The following LPGAT1 variants were observed in gnomAD, a reference collection of about 807,000 sequenced individuals.
LPGAT1 encodes lysophosphatidylglycerol acyltransferase 1.
In LPGAT1, 11 loss-of-function variants were observed where a neutral mutation model predicts 47.5. The ratio of observed to expected loss-of-function variants is 0.23; its 90% confidence interval spans 0.15 to 0.38. The LOEUF (loss-of-function observed/expected upper bound fraction) is 0.38, where lower values mean the gene tolerates loss of function less well. Among genes scored for constraint, LPGAT1 ranks in the 10% least tolerant of loss-of-function variants. The pLI is 1.00. For missense variants in LPGAT1, 293 were observed against 439.0 expected (o/e 0.67, Z 2.97); for synonymous variants, 138 against 144.2 (o/e 0.96, Z 0.31).
At chr1:211,787,866 C>T (rs546370185) in intron 3 of LPGAT1, 139 bp from the exon 4 acceptor site, 1 of 541,166 alleles carries the variant, frequency 1.8e-6, no homozygotes. Context: ...TCTATTTCTA[C>T]AAACAAAGCA....
intron 2 of LPGAT1, among the ~76,000 whole-genome samples, chr1:211,824,802 T>C (rs1660485344): frequency 6.6e-6 from 1 of 152,242 alleles, no homozygotes; most frequent in South Asian, 2.1e-4. Context: ...CGAAATACAT[T>C]TTTGAAACTT....
intron 2 of LPGAT1, among the ~76,000 whole-genome samples, chr1:211,816,517 T>A (rs1558282885): frequency 6.6e-6 from 1 of 152,342 alleles, no homozygotes; most frequent in East Asian, 1.9e-4. Context: ...ATTGATTGAT[T>A]AAAGCAAGAA....
chr1:211,803,047 C>A (rs1281059799), intron 2 of LPGAT1: 1 of 151,986 alleles, frequency 6.6e-6, no homozygotes, highest in Admixed American at 6.6e-5. Flanking sequence ...GTTATTTCAA[C>A]TGATTGTTCA....
Position 211,830,049 on chromosome 1 carries a change from G to C in LPGAT1, c.-28+524C>G. The C allele has an allele frequency of 1.0e-6, 1 of 985,672 alleles. No individual in the cohort carries two copies. Among genetic ancestry groups the C allele is most frequent in the South Asian group, 4.7e-5 (1 of 21,294 alleles). The allele number at this position is 985,672 out of a possible 1,614,324, so 61.1% of individuals were successfully genotyped here. On this transcript the variant is annotated intron_variant, in intron 1 of 7. Transcript: ENST00000366997. The surrounding 1 kb of genome is among the most constrained non-coding windows in gnomAD (Gnocchi z 5.9). The stretch of plus-strand genomic sequence containing the variant: ...GAAGAGAATGAGATTTCCGACCAGA[G>C]GGCAAGGAAGCAGGGGATGATGAAA...
At chr1:211,810,117 A>C (rs1040577207) in intron 2 of LPGAT1, among the ~76,000 whole-genome samples, 1 of 152,138 alleles carries the variant, frequency 6.6e-6, no homozygotes, top group Non-Finnish European at 1.5e-5. Flanking sequence ...CCCTGCCTGA[A>C]TGAATTAGTT....
rs904158951 is a variant in LPGAT1, at chr1:211,745,286, A to G, written c.*4613T>C. 1.3e-5 allele frequency: 2 copies of G among 152,468 alleles called. No homozygotes were observed. Among genetic ancestry groups the G allele is most frequent in the Non-Finnish European group, 2.9e-5 (2 of 68,030 alleles). 9.4% of individuals were successfully genotyped at this position (152,468 alleles called of 1,614,324 possible). On this transcript the variant is annotated 3_prime_UTR_variant, in exon 8 of 8. Transcript: ENST00000366997. ...TACAGCATCAGGAAAATGAAAACCC[A>G]TCTGTATAAAATAAATACAATTTTA... is the stretch of plus-strand genomic sequence containing the variant.
chr1:211,787,414 G>A (rs1244814792), intron 4 of LPGAT1, among the ~76,000 whole-genome samples: 5 of 151,326 alleles, frequency 3.3e-5, no homozygotes, highest in African/African-American at 7.3e-5. Flanking sequence ...CTTGAACCCA[G>A]GAAGTGGAGG....
chr1:211,760,916 G>T (rs1453632327), intron 6 of LPGAT1, among the ~76,000 whole-genome samples: 1 of 152,136 alleles, frequency 6.6e-6, no homozygotes, highest in African/African-American at 2.4e-5. Flanking sequence ...GATATTAGAG[G>T]CATGTCTTAA....
intron 6 of LPGAT1, among the ~76,000 whole-genome samples, chr1:211,768,798 C>T (rs1007407999): frequency 6.6e-6 from 1 of 152,112 alleles, no homozygotes; most frequent in African/African-American, 2.4e-5. Flanking sequence ...GGAACAACTG[C>T]AATTTGAAGT....
chr1:211,814,335 G>T (rs1391319007), intron 2 of LPGAT1, among the ~76,000 whole-genome samples: 2 of 152,212 alleles, frequency 1.3e-5, no homozygotes, highest in Admixed American at 6.5e-5. Context: ...GTGTGGAAGG[G>T]TGTCACAAGG....
intron 6 of LPGAT1, among the ~76,000 whole-genome samples, chr1:211,754,168 A>G (rs1025143054): frequency 4.6e-5 from 7 of 152,108 alleles, no homozygotes; most frequent in Admixed American, 3.3e-4. Context: ...TAAGCCTCCA[A>G]TGTTTGCCAG....
intron 7 of LPGAT1, among the ~76,000 whole-genome samples, chr1:211,750,520 G>A (rs1196003661): frequency 3.3e-5 from 5 of 152,212 alleles, no homozygotes; most frequent in African/African-American, 1.2e-4. Context: ...CCAGGATTAT[G>A]TGAGATTGAC....
chr1:211,753,918 T>A (rs1045429842), intron 6 of LPGAT1, among the ~76,000 whole-genome samples: 1 of 152,184 alleles, frequency 6.6e-6, no homozygotes, highest in African/African-American at 2.4e-5. Context: ...GGCTGGGCCA[T>A]TAAAATTGGT....
chr1:211,761,032 C>A (rs1657677583), intron 6 of LPGAT1, among the ~76,000 whole-genome samples: 1 of 152,042 alleles, frequency 6.6e-6, no homozygotes, highest in Non-Finnish European at 1.5e-5. Flanking sequence ...GCCTATGTAG[C>A]GCTTTTTTAA....
intron 6 of LPGAT1, among the ~76,000 whole-genome samples, chr1:211,759,684 C>T (rs867481761): frequency 2.0e-5 from 3 of 152,176 alleles, no homozygotes; most frequent in Non-Finnish European, 4.4e-5. Flanking sequence ...GATTAAGCTA[C>T]ATCTCACAAC....
At chr1:211,794,931 G>C (rs532598709) in intron 2 of LPGAT1, among the ~76,000 whole-genome samples, 7 of 152,096 alleles carry the variant, frequency 4.6e-5, no homozygotes, top group Non-Finnish European at 1.0e-4. Flanking sequence ...TGTGCAAAAT[G>C]ACATGTACAC....
chr1:211,796,683 C>T (rs1418716552), intron 2 of LPGAT1, among the ~76,000 whole-genome samples: 1 of 152,138 alleles, frequency 6.6e-6, no homozygotes, highest in East Asian at 1.9e-4. Flanking sequence ...CTTCCCTTTC[C>T]ATTCTATTTT....
chr1:211,784,541 C>A (rs1658777315), intron 4 of LPGAT1, among the ~76,000 whole-genome samples: 1 of 150,234 alleles, frequency 6.7e-6, no homozygotes. Context: ...GTTCCTGTGA[C>A]CAAAAGACCA....
intron 5 of LPGAT1, among the ~76,000 whole-genome samples, chr1:211,780,134 A>G (rs1440209242): frequency 6.6e-6 from 1 of 152,114 alleles, no homozygotes; most frequent in Admixed American, 6.6e-5. Flanking sequence ...CCGAGATCGC[A>G]CCATTGCACT....
Sources: gnomAD v4.1 joint callset for allele counts (sites outside exome capture counted in the v4.1 genomes callset) on GRCh38, gnomAD v4.1.1 for gene constraint, Gnocchi (gnomAD v3.1) non-coding constraint, MANE v1.5 for transcripts, NCBI Gene and HGNC (gene_info 2026-07-23, HGNC 2026-07-21) for gene names.